CNTN1: variants seen among roughly 807,000 people sequenced by gnomAD.
CNTN1 encodes the protein contactin-1.
Under a neutral mutation model 126.4 loss-of-function variants are expected in CNTN1, and 38 were observed. The observed-to-expected ratio is 0.30, with a 90% CI of 0.23 to 0.39. The LOEUF (loss-of-function observed/expected upper bound fraction) is 0.39. Ranked by LOEUF, CNTN1 falls within the 10% of genes least tolerant of loss-of-function variation. The pLI is 1.00. For synonymous variants in CNTN1, 413 were observed against 422.6 expected, an observed-to-expected ratio of 0.98 and a Z score of 0.28; for missense variants, 1,009 against 1,248.4, an observed-to-expected ratio of 0.81 and a Z score of 2.89.
rs141894502 is a variant in CNTN1 at position 40,805,703 on chromosome 12, CTGTGTGTGTGTA to C, written c.-76-102644_-76-102633del. On this transcript the variant is annotated intron_variant, in intron 1 of 23. Transcript: ENST00000551295. ...TTACTTTGCTTTTGAAAATAGTTTG[CTGTGTGTGTGTA>C]TGTGTGTGTATCTCATAAATTTGAA... Among the ~76,000 whole-genome samples, 157 of 151,834 alleles carry C rather than the reference CTGTGTGTGTGTA, an allele frequency of 1.0e-3. 4 individuals carry two copies. The East Asian group carries it at 0.025, about 24-fold the overall frequency.
chr12:40,947,752 T>G, intron 14 of CNTN1, among the ~76,000 whole-genome samples: 1 of 141,386 alleles, frequency 7.1e-6, no homozygotes, highest in African/African-American at 2.7e-5. Flanking sequence ...GTTTTGGAGA[T>G]TGTCACTATT....
chr12:40,950,718 A>G (rs1448198283), intron 14 of CNTN1, among the ~76,000 whole-genome samples: 1 of 152,066 alleles, frequency 6.6e-6, no homozygotes, highest in Non-Finnish European at 1.5e-5. Flanking sequence ...CCTAACTGCT[A>G]TATTTTATTT....
chr12:40,728,569 G>C (rs1465660739), intron 1 of CNTN1, among the ~76,000 whole-genome samples: 4 of 152,044 alleles, frequency 2.6e-5, no homozygotes, highest in Non-Finnish European at 5.9e-5. Context: ...ACATTCTATA[G>C]GAAAGGAAGG....
chr12:40,707,123 A>G (rs1941777238), intron 1 of CNTN1, among the ~76,000 whole-genome samples: 1 of 151,752 alleles, frequency 6.6e-6, no homozygotes, highest in African/African-American at 2.4e-5. Flanking sequence ...AATTGCTTTT[A>G]AATACCTCAA....
At chr12:40,719,672 G>A (rs564414831) in intron 1 of CNTN1, among the ~76,000 whole-genome samples, 7 of 152,296 alleles carry the variant, frequency 4.6e-5, no homozygotes, top group African/African-American at 1.7e-4. Context: ...ATTCTTGCAT[G>A]GTTCAAATGA....
intron 1 of CNTN1, among the ~76,000 whole-genome samples, chr12:40,715,462 T>G (rs534686971): frequency 6.6e-6 from 1 of 152,294 alleles, no homozygotes; most frequent in African/African-American, 2.4e-5. Flanking sequence ...TACTAATTTT[T>G]TTTATTAATT....
intron 1 of CNTN1, among the ~76,000 whole-genome samples, chr12:40,805,997 C>T (rs1940839603): frequency 6.6e-6 from 1 of 152,094 alleles, no homozygotes; most frequent in Non-Finnish European, 1.5e-5. Flanking sequence ...AATCTGCTCC[C>T]AGCTCTCCGC....
At chr12:40,884,593 G>A (rs148502415) in intron 1 of CNTN1, among the ~76,000 whole-genome samples, 2 of 151,274 alleles carry the variant, frequency 1.3e-5, no homozygotes, top group South Asian at 2.1e-4. Context: ...ATTAATCATT[G>A]CATCCACATA....
chr12:40,930,892 G>T (rs1031135103), intron 7 of CNTN1, among the ~76,000 whole-genome samples: 1 of 151,898 alleles, frequency 6.6e-6, no homozygotes, highest in Non-Finnish European at 1.5e-5. Context: ...AGTTTTAAGA[G>T]ATAATCTCAC....
At chr12:41,032,291 C>T (rs1001960981) in intron 23 of CNTN1, among the ~76,000 whole-genome samples, 1 of 151,238 alleles carries the variant, frequency 6.6e-6, no homozygotes, top group African/African-American at 2.4e-5. Flanking sequence ...TGGTGTGAAC[C>T]CTGGAGGTGG....
intron 1 of CNTN1, among the ~76,000 whole-genome samples, chr12:40,749,974 C>G (rs1375823721): frequency 1.3e-5 from 2 of 152,018 alleles, no homozygotes; most frequent in African/African-American, 4.8e-5. Flanking sequence ...CTACTAGTCC[C>G]TATAAGATGA....
At chr12:41,009,369 T>A (rs962727489) in intron 17 of CNTN1, among the ~76,000 whole-genome samples, 1 of 152,158 alleles carries the variant, frequency 6.6e-6, no homozygotes, top group Non-Finnish European at 1.5e-5. Flanking sequence ...TTCCCAGGAT[T>A]AATTTGGAGG....
intron 14 of CNTN1, among the ~76,000 whole-genome samples, chr12:40,947,073 T>G (rs1368562573): frequency 6.6e-6 from 1 of 152,036 alleles, no homozygotes; most frequent in East Asian, 1.9e-4. Context: ...AATAACACTG[T>G]CTTTGTATTT....
intron 23 of CNTN1, among the ~76,000 whole-genome samples, chr12:41,053,395 T>C (rs1341448326): frequency 7.3e-6 from 1 of 137,242 alleles, no homozygotes; most frequent in Non-Finnish European, 1.6e-5. Flanking sequence ...AGACAAAATT[T>C]ATTTAGATTT....
chr12:40,904,854 C>T (rs12297752), intron 1 of CNTN1, among the ~76,000 whole-genome samples: 7,202 of 152,250 alleles, frequency 0.047, 378 homozygotes, highest in African/African-American at 0.14. Flanking sequence ...CAGGCATTAG[C>T]GCCACAACAA....
chr12:40,711,052 A>G (rs894459842), intron 1 of CNTN1, among the ~76,000 whole-genome samples: 3 of 152,158 alleles, frequency 2.0e-5, no homozygotes, highest in African/African-American at 7.2e-5. Context: ...GCTTCACCTC[A>G]GCATCACTAT....
At chr12:41,030,003 G>A (rs1247216561) in intron 23 of CNTN1, among the ~76,000 whole-genome samples, 2 of 151,670 alleles carry the variant, frequency 1.3e-5, no homozygotes, top group East Asian at 3.9e-4. Context: ...TTCAATAGAT[G>A]TTAATTTGAG....
intron 1 of CNTN1, among the ~76,000 whole-genome samples, chr12:40,766,989 A>C (rs1051529521): frequency 8.5e-5 from 13 of 152,188 alleles, no homozygotes; most frequent in African/African-American, 2.9e-4. Context: ...TGTCCAGTAT[A>C]AAACTGAAAA....
At chr12:40,708,383 T>G (rs1941823603) in intron 1 of CNTN1, among the ~76,000 whole-genome samples, 1 of 152,216 alleles carries the variant, frequency 6.6e-6, no homozygotes. Context: ...TCTAAGAAAA[T>G]GTACACTCCT....
Sources: gnomAD v4.1 joint callset for allele counts (sites outside exome capture counted in the v4.1 genomes callset) on GRCh38, gnomAD v4.1.1 for gene constraint, MANE v1.5 for transcripts, NCBI Gene and HGNC (gene_info 2026-07-23, HGNC 2026-07-21) for gene names.